The following FLI1 variants were observed in gnomAD, a reference collection of about 807,000 sequenced individuals.
FLI1 encodes the protein Friend leukemia integration 1 transcription factor.
Under a neutral mutation model 53.1 loss-of-function variants are expected in FLI1, and 13 were observed. The observed-to-expected ratio is 0.24, with a 90% CI of 0.16 to 0.39. The LOEUF (loss-of-function observed/expected upper bound fraction) is 0.39, where lower values mean the gene tolerates loss of function less well. FLI1 is among the 10% of genes least tolerant of loss of function. The pLI, the probability that FLI1 is intolerant of heterozygous loss-of-function variation, is 1.00. For synonymous variants in FLI1, 244 were observed against 236.7 expected, an observed-to-expected ratio of 1.03 and a Z score of -0.28; for missense variants, 424 against 600.5, an observed-to-expected ratio of 0.71 and a Z score of 3.07.
At chr11:128,731,619 C>T (rs1939704020) in intron 1 of FLI1, among the ~76,000 whole-genome samples, 1 of 152,086 alleles carries the variant, frequency 6.6e-6, no homozygotes, top group African/African-American at 2.4e-5. Flanking sequence ...TGGCAAAACC[C>T]AAAGTTCATA....
intron 2 of FLI1, among the ~76,000 whole-genome samples, chr11:128,761,626 G>C (rs913421123): frequency 2.0e-5 from 3 of 152,034 alleles, no homozygotes; most frequent in Admixed American, 2.0e-4. Flanking sequence ...GTCTCTGGTG[G>C]GAAGGAAGTA....
chr11:128,744,883 C>A (rs139609898), intron 1 of FLI1, among the ~76,000 whole-genome samples: 6 of 152,224 alleles, frequency 3.9e-5, no homozygotes, highest in African/African-American at 1.2e-4. Context: ...AGCAACATGA[C>A]AAGGCAGTCT....
chr11:128,719,356 C>CGTGTGT (rs56336914), intron 1 of FLI1, among the ~76,000 whole-genome samples: 8,463 of 145,136 alleles, frequency 0.058, 398 homozygotes, highest in Admixed American at 0.17. Flanking sequence ...CCCCTTTTCC[C>CGTGTGT]GTGTGTGTGT....
At chr11:128,793,067 G>A (rs555967018) in intron 5 of FLI1, among the ~76,000 whole-genome samples, 15 of 152,100 alleles carry the variant, frequency 9.9e-5, no homozygotes, top group African/African-American at 2.4e-4. Context: ...GCCATGAGCC[G>A]GGATTGCACC....
At chr11:128,740,339 T>C (rs1940080747) in intron 1 of FLI1, among the ~76,000 whole-genome samples, 1 of 152,244 alleles carries the variant, frequency 6.6e-6, no homozygotes, top group African/African-American at 2.4e-5. Context: ...ATCTATTCAC[T>C]TCTTCCCTTT....
In FLI1 at chr11:128,779,251, C is replaced by G. The variant is rs1253330736; in HGVS notation, c.590-2707C>G. 2.0e-5 allele frequency among the ~76,000 whole-genome samples: 3 copies of G among 152,310 alleles called. No homozygotes were observed. The East Asian group carries it at 5.8e-4, about 29-fold the overall frequency. On this transcript the variant is annotated intron_variant, in intron 4 of 8. Transcript: ENST00000527786. ...GCACTAATGACTCAGGCAGTTTGCT[C>G]CTCGGAGACCATCATTTTTCTTTAT...
In FLI1 at chr11:128,781,981, A is replaced by G. The variant is rs1227775694; in HGVS notation, c.613A>G (p.Thr205Ala). 3.1e-6 allele frequency: 5 copies of G among 1,613,710 alleles called. No individual in the cohort carries two copies. The highest frequency in any genetic ancestry group is 3.3e-5 in the Admixed American group (2 of 59,990). The part of the protein sequence containing the change: ...RESSLLAYNT[T>A]SHTDQSSRLS... ...AGGTTCACTGCTGGCCTATAATACA[A>G]CCTCCCACACCGACCAATCCTCACG... The change falls in exon 5 of 9, where the codon ACC becomes GCC. Residue 205 changes from threonine (T) to alanine (A), a missense_variant. Physicochemically the swap from Thr to Ala is moderately conservative, Grantham distance 58. Around this residue, in one of 5 missense-constraint regions of FLI1, gnomAD observed 114 missense variants for 117.9 expected, o/e 0.97. Coordinates refer to ENST00000527786, the MANE Select transcript of FLI1 (RefSeq NM_002017.5).
chr11:128,692,412 C>A (rs1937781854), upstream of FLI1, among the ~76,000 whole-genome samples: 1 of 151,750 alleles, frequency 6.6e-6, no homozygotes, highest in Non-Finnish European at 1.5e-5. Flanking sequence ...CGGGGGGAGT[C>A]AGCCCGGCCC....
intron 1 of FLI1, among the ~76,000 whole-genome samples, chr11:128,725,369 C>T (rs1939428311): frequency 6.6e-6 from 1 of 152,210 alleles, no homozygotes; most frequent in African/African-American, 2.4e-5. Context: ...TCAAGCAGGA[C>T]ATAAGGCGGC....
At chr11:128,758,820 A>T (rs1940997384) in intron 2 of FLI1, among the ~76,000 whole-genome samples, 1 of 152,154 alleles carries the variant, frequency 6.6e-6, no homozygotes, top group Non-Finnish European at 1.5e-5. Flanking sequence ...GGGGGCAGGC[A>T]CCTGGAAGGC....
chr11:128,802,457 A>G (rs1455288898), intron 5 of FLI1, among the ~76,000 whole-genome samples: 1 of 152,222 alleles, frequency 6.6e-6, no homozygotes, highest in African/African-American at 2.4e-5. Context: ...CTCTGACTCC[A>G]CAGGCTGCTG....
chr11:128,709,505 A>G (rs918827046), intron 1 of FLI1, among the ~76,000 whole-genome samples: 2 of 152,174 alleles, frequency 1.3e-5, no homozygotes, highest in Admixed American at 6.5e-5. Flanking sequence ...CAAACATCCC[A>G]TATTCCTCCT....
chr11:128,730,659 T>C (rs954098788), intron 1 of FLI1, among the ~76,000 whole-genome samples: 14 of 152,054 alleles, frequency 9.2e-5, no homozygotes, highest in Non-Finnish European at 1.5e-4. Flanking sequence ...CCTCTTGGGA[T>C]CTTGGGAGAG....
intron 4 of FLI1, among the ~76,000 whole-genome samples, chr11:128,781,494 TC>T (rs767215786): frequency 2.2e-4 from 33 of 152,152 alleles, no homozygotes; most frequent in Non-Finnish European, 3.5e-4. Context: ...ATTTACTATC[TC>T]CTTTTGATAG....
chr11:128,733,634 G>A (rs183622759), intron 1 of FLI1, among the ~76,000 whole-genome samples: 18 of 152,256 alleles, frequency 1.2e-4, no homozygotes, highest in Middle Eastern at 3.4e-3. Flanking sequence ...GATCACATTC[G>A]CCATTTGGAC....
intron 1 of FLI1, among the ~76,000 whole-genome samples, chr11:128,699,068 C>A (rs929622501): frequency 1.3e-5 from 2 of 152,102 alleles, no homozygotes; most frequent in African/African-American, 4.8e-5. Context: ...ATTTCAGCTC[C>A]TTTAATAATG....
At chr11:128,747,953 T>C (rs1415393943) in intron 1 of FLI1, among the ~76,000 whole-genome samples, 1 of 152,208 alleles carries the variant, frequency 6.6e-6, no homozygotes, top group African/African-American at 2.4e-5. Flanking sequence ...GAATTTAACT[T>C]TGATCTTTAG....
chr11:128,712,142 C>A (rs1938805714), intron 1 of FLI1, among the ~76,000 whole-genome samples: 1 of 152,208 alleles, frequency 6.6e-6, no homozygotes, highest in African/African-American at 2.4e-5. Flanking sequence ...TTAGTGTCAT[C>A]TCTGGGCGAG....
intron 1 of FLI1, among the ~76,000 whole-genome samples, chr11:128,752,349 T>C (rs1376057464): frequency 6.6e-6 from 1 of 152,220 alleles, no homozygotes; most frequent in Non-Finnish European, 1.5e-5. Flanking sequence ...ATTATCTCAT[T>C]TTATCTTTAT....
Sources: gnomAD v4.1 joint callset for allele counts (sites outside exome capture counted in the v4.1 genomes callset) on GRCh38, gnomAD v4.1.1 for gene constraint, gnomAD v4.1.1 regional missense constraint, MANE v1.5 for transcripts, NCBI Gene and HGNC (gene_info 2026-07-23, HGNC 2026-07-21) for gene names.